The following APBB1IP variants were observed in gnomAD, a reference collection of about 807,000 sequenced individuals.
APBB1IP encodes amyloid beta A4 precursor protein-binding family B member 1-interacting protein.
Under a neutral mutation model 64.9 loss-of-function variants are expected in APBB1IP, and 27 were observed. The observed-to-expected ratio is 0.42, with a 90% CI of 0.31 to 0.57. The LOEUF is 0.57. APBB1IP is among the 20% of genes least tolerant of loss of function. The pLI is 0.20. For missense variants in APBB1IP, 812 were observed against 845.5 expected (o/e 0.96, Z 0.49); for synonymous variants, 392 against 331.0 (o/e 1.18, Z -2.00).
At chr10:26,565,912 G>C (rs1837037036) in intron 14 of APBB1IP, among the ~76,000 whole-genome samples, 1 of 152,144 alleles carries the variant, frequency 6.6e-6, no homozygotes, top group Non-Finnish European at 1.5e-5. Flanking sequence ...TCCTTGGTCA[G>C]GTTACAATGG....
At chr10:26,472,586 T>TAC (rs1554774055) in intron 2 of APBB1IP, among the ~76,000 whole-genome samples, 2 of 151,890 alleles carry the variant, frequency 1.3e-5, no homozygotes, top group African/African-American at 4.8e-5. Context: ...CATTCATTCA[T>TAC]TCATTCATTC....
At chr10:26,555,764 A>C (rs546887891) in intron 11 of APBB1IP, among the ~76,000 whole-genome samples, 1 of 152,150 alleles carries the variant, frequency 6.6e-6, no homozygotes, top group South Asian at 2.1e-4. Flanking sequence ...ACACCTGGTT[A>C]ATTTTTGTAC....
At chr10:26,509,303 A>T (rs931940413) in intron 6 of APBB1IP, among the ~76,000 whole-genome samples, 2 of 147,934 alleles carry the variant, frequency 1.4e-5, no homozygotes, top group Non-Finnish European at 3.0e-5. Flanking sequence ...GGGAAAAAAA[A>T]GTGTTCTTTA....
chr10:26,496,334 G>T lies in APBB1IP; in HGVS notation c.103G>T (p.Asp35Tyr). ...AGGAGTTGACACTCTCCCTCCTCCT[G>T]ACCCTAATCCACCCAGAGCTGAATT... ...SLGVDTLPPP[D>Y]PNPPRAEFNY... Residue 35 changes from aspartate to tyrosine, a missense_variant, in exon 4 of 15, where the codon GAC becomes TAC. This residue lies in a region of APBB1IP where 394 missense variants were observed against 413.1 expected (regional missense o/e 0.95). Transcript: ENST00000376236. 6.2e-7 allele frequency: 1 copy of T among 1,612,968 alleles called. No homozygotes were observed. Among genetic ancestry groups the T allele is most frequent in the Non-Finnish European group, 8.5e-7 (1 of 1,179,346 alleles).
chr10:26,523,535 G>T (rs887937999), intron 8 of APBB1IP, among the ~76,000 whole-genome samples: 5 of 152,212 alleles, frequency 3.3e-5, no homozygotes, highest in African/African-American at 1.2e-4. Context: ...AACTGTGAAA[G>T]GGGCCGTCCA....
At chr10:26,558,017 C>A (rs1305445515) in intron 11 of APBB1IP, among the ~76,000 whole-genome samples, 1 of 152,052 alleles carries the variant, frequency 6.6e-6, no homozygotes, top group African/African-American at 2.4e-5. Flanking sequence ...GCTTCCAGCT[C>A]TCTTGGCTTT....
chr10:26,439,771 G>GT (rs1401048943), intron 2 of APBB1IP, among the ~76,000 whole-genome samples: 2 of 152,162 alleles, frequency 1.3e-5, no homozygotes, highest in East Asian at 1.9e-4. Flanking sequence ...GCCCCCAGAT[G>GT]TTTTTTTCTG....
chr10:26,544,647 AAAAAG>A (rs1836737961), intron 11 of APBB1IP, among the ~76,000 whole-genome samples: 2 of 152,180 alleles, frequency 1.3e-5, no homozygotes, highest in Non-Finnish European at 2.9e-5. Context: ...GTCTGTCAAG[AAAAAG>A]ACAAGGTCTC....
chr10:26,498,150 T>TA (rs1564361339), intron 4 of APBB1IP, among the ~76,000 whole-genome samples: 6 of 152,206 alleles, frequency 3.9e-5, no homozygotes, highest in Non-Finnish European at 8.8e-5. Flanking sequence ...CTTTTTTTAT[T>TA]TGCCACATAA....
intron 6 of APBB1IP, among the ~76,000 whole-genome samples, chr10:26,507,422 G>A (rs780023798): frequency 1.3e-5 from 2 of 152,152 alleles, no homozygotes; most frequent in African/African-American, 2.4e-5. Context: ...CCTTGACCCC[G>A]GGAATTCAAG....
chr10:26,491,602 T>C (rs369830483), intron 2 of APBB1IP, among the ~76,000 whole-genome samples: 1 of 152,218 alleles, frequency 6.6e-6, no homozygotes, highest in African/African-American at 2.4e-5. Flanking sequence ...TTTCTATCTC[T>C]TTTCACTTGG....
At chr10:26,487,154 T>C (rs868507249) in intron 2 of APBB1IP, among the ~76,000 whole-genome samples, 1 of 151,782 alleles carries the variant, frequency 6.6e-6, no homozygotes, top group Non-Finnish European at 1.5e-5. Flanking sequence ...CAGCTCTTTC[T>C]GGCTGCTAAC....
chr10:26,511,686 C>T (rs894681350), intron 6 of APBB1IP, 61 bp from the exon 7 acceptor site: 1 of 1,582,422 alleles, frequency 6.3e-7, no homozygotes, highest in Non-Finnish European at 8.6e-7. Context: ...TTGAAACCCT[C>T]ATCTTAGTAG....
intron 8 of APBB1IP, among the ~76,000 whole-genome samples, chr10:26,522,845 C>CA (rs1043744056): frequency 4.0e-5 from 6 of 150,170 alleles, no homozygotes; most frequent in Non-Finnish European, 7.4e-5. Flanking sequence ...ACTAATAATA[C>CA]AAAAAAAAAT....
intron 10 of APBB1IP, among the ~76,000 whole-genome samples, chr10:26,539,422 A>T (rs1253693880): frequency 6.8e-6 from 1 of 146,410 alleles, no homozygotes; most frequent in Non-Finnish European, 1.5e-5. Flanking sequence ...AAAAAAAAAG[A>T]AGGAAAGAAA....
At chr10:26,539,215 A>G (rs1471165815) in intron 10 of APBB1IP, among the ~76,000 whole-genome samples, 1 of 152,178 alleles carries the variant, frequency 6.6e-6, no homozygotes, top group Admixed American at 6.5e-5. Context: ...GTTCAAGACC[A>G]GCCTGAGAAA....
chr10:26,550,240 A>G (rs787020), intron 11 of APBB1IP, among the ~76,000 whole-genome samples: 143,983 of 152,088 alleles, frequency 0.95, 68,208 homozygotes, highest in African/African-American at 0.99. Flanking sequence ...ATTCTTATTT[A>G]GGTTGAATCT....
intron 3 of APBB1IP, among the ~76,000 whole-genome samples, chr10:26,493,406 C>T (rs1835981636): frequency 6.6e-6 from 1 of 152,120 alleles, no homozygotes. Flanking sequence ...GATAAATGTC[C>T]ATGAAATCTT....
At chr10:26,495,703 T>C (rs1836012766) in intron 3 of APBB1IP, among the ~76,000 whole-genome samples, 1 of 151,014 alleles carries the variant, frequency 6.6e-6, no homozygotes, top group Non-Finnish European at 1.5e-5. Flanking sequence ...TATTTCTTTG[T>C]TGTGGCCAAG....
Sources: gnomAD v4.1 joint callset for allele counts (sites outside exome capture counted in the v4.1 genomes callset) on GRCh38, gnomAD v4.1.1 for gene constraint, gnomAD v4.1.1 regional missense constraint, MANE v1.5 for transcripts, NCBI Gene and HGNC (gene_info 2026-07-23, HGNC 2026-07-21) for gene names.